TTLL11: variants seen among roughly 807,000 people sequenced by gnomAD.
The protein encoded by TTLL11 is tubulin tyrosine ligase like 11, also known as tubulin polyglutamylase TTLL11.
In TTLL11, 42 loss-of-function variants were observed where a neutral mutation model predicts 51.7. That is an observed-to-expected ratio of 0.81 (90% CI 0.64 to 1.05). The LOEUF (loss-of-function observed/expected upper bound fraction) is 1.05. TTLL11 is among the 50% of genes least tolerant of loss of function. The probability of loss-of-function intolerance (pLI) is 0.00; values close to 1 mark genes in which losing one functional copy is unlikely to be tolerated. For missense variants in TTLL11, 799 were observed against 940.4 expected, an observed-to-expected ratio of 0.85 and a Z score of 1.97; for synonymous variants, 381 against 383.5, an observed-to-expected ratio of 0.99 and a Z score of 0.08.
In TTLL11 at chr9:121,820,662, T is replaced by G. The variant is rs1836549853; in HGVS notation, c.*1925A>C. Among the ~76,000 whole-genome samples the G allele has an allele frequency of 6.6e-6, 1 of 151,988 alleles. No individual in the cohort carries two copies. The highest frequency in any genetic ancestry group is 1.5e-5 in the Non-Finnish European group (1 of 68,004). On this transcript the variant is annotated 3_prime_UTR_variant, in exon 9 of 9. Coordinates refer to ENST00000321582, the MANE Select transcript of TTLL11 (RefSeq NM_001139442.2). ...CCTCCTGGGCCTTCCTTTCCTCATC[T>G]GAAAGGGGAGCAGCATTACAGACCT...
At position 121,819,503 on chromosome 9, in the gene TTLL11, T is replaced by G. The variant is rs1266810904; in HGVS notation, c.*3084A>C. 2 of 152,408 alleles carry G rather than the reference T, an allele frequency of 1.3e-5. No individual in the cohort carries two copies. The highest frequency in any genetic ancestry group is 2.4e-5 in the African/African-American group (1 of 41,418). 9.4% of individuals were successfully genotyped at this position (152,408 alleles called of 1,614,324 possible). A position where few individuals can be genotyped will look rare whatever the true frequency, so the allele number is the denominator to read the frequency against. On this transcript the variant is annotated 3_prime_UTR_variant, in exon 9 of 9. Transcript: ENST00000321582. ...GAGCTTGATCTTCTTACCCGTTCATTCCAAGCCCCCGGAGTGCCCAGCTCT... is the reference window on the plus strand; with the variant it reads ...GAGCTTGATCTTCTTACCCGTTCATGCCAAGCCCCCGGAGTGCCCAGCTCT...
At chr9:121,830,385 G>A (rs1325804603) in intron 8 of TTLL11, among the ~76,000 whole-genome samples, 1 of 152,156 alleles carries the variant, frequency 6.6e-6, no homozygotes, top group African/African-American at 2.4e-5. Flanking sequence ...AAGATCCCAG[G>A]TGATGCTGAA....
intron 2 of TTLL11, among the ~76,000 whole-genome samples, chr9:122,037,663 A>T (rs1844741078): frequency 1.3e-5 from 2 of 152,228 alleles, no homozygotes; most frequent in African/African-American, 4.8e-5. Context: ...AAGCCAAGAA[A>T]GACTCATATC....
At chr9:122,040,512 T>C in intron 1 of TTLL11, 1 of 678,122 alleles carries the variant, frequency 1.5e-6, no homozygotes, top group Non-Finnish European at 1.8e-6. Flanking sequence ...GCCATGTTAG[T>C]TCATATTCAG....
chr9:122,067,687 G>C (rs1845624178), intron 1 of TTLL11, among the ~76,000 whole-genome samples: 1 of 152,152 alleles, frequency 6.6e-6, no homozygotes. Flanking sequence ...ATTTTTAGTA[G>C]AGACAGGGTT....
rs765628724 is a variant in TTLL11, at chr9:122,093,268, C to T, written c.-120G>A. 3.2e-6 allele frequency: 5 copies of T among 1,546,952 alleles called. No individual in the cohort carries two copies. The African/African-American group carries it at 5.6e-5, about 17-fold the overall frequency. On this transcript the variant is annotated 5_prime_UTR_variant, in exon 1 of 9. Transcript: ENST00000321582. ...CTGCCACGCGTTCCCCGCCCGAGCC[C>T]GTTGCCATGATCGCTCAGGCTCGGG...
chr9:122,061,747 CTT>C (rs1275348307), intron 1 of TTLL11, among the ~76,000 whole-genome samples: 1 of 152,134 alleles, frequency 6.6e-6, no homozygotes, highest in Non-Finnish European at 1.5e-5. Context: ...AAGCGATTCT[CTT>C]GTCTCAGCCT....
chr9:121,834,567 G>A (rs1298525290), intron 8 of TTLL11, among the ~76,000 whole-genome samples: 1 of 150,276 alleles, frequency 6.7e-6, no homozygotes, highest in Non-Finnish European at 1.5e-5. Flanking sequence ...GGTGGCTCAC[G>A]CCTGTAATCC....
chr9:122,001,503 G>A (rs949968877), intron 3 of TTLL11, among the ~76,000 whole-genome samples: 4 of 150,998 alleles, frequency 2.6e-5, no homozygotes, highest in African/African-American at 4.9e-5. Flanking sequence ...AGAGGCAGGG[G>A]GTGGGAATCA....
At chr9:121,843,847 A>T (rs1314972279) in intron 8 of TTLL11, among the ~76,000 whole-genome samples, 1 of 151,852 alleles carries the variant, frequency 6.6e-6, no homozygotes, top group Non-Finnish European at 1.5e-5. Flanking sequence ...TATTTTTAAA[A>T]TTTTTTGTAG....
intron 4 of TTLL11, among the ~76,000 whole-genome samples, chr9:121,981,063 T>C (rs1364106744): frequency 6.6e-6 from 1 of 152,226 alleles, no homozygotes; most frequent in Non-Finnish European, 1.5e-5. Flanking sequence ...TTGGAATGTC[T>C]TGAGCTTCTT....
intron 6 of TTLL11, among the ~76,000 whole-genome samples, chr9:121,891,863 T>C (rs1304495308): frequency 6.6e-6 from 1 of 151,476 alleles, no homozygotes; most frequent in Admixed American, 6.6e-5. Flanking sequence ...GAGGGTTTAG[T>C]CTAAAATTCT....
intron 1 of TTLL11, among the ~76,000 whole-genome samples, chr9:122,049,805 G>A (rs1845110597): frequency 6.6e-6 from 1 of 152,152 alleles, no homozygotes; most frequent in Non-Finnish European, 1.5e-5. Flanking sequence ...GCTGATGAAA[G>A]CACAGTTCAC....
At chr9:121,918,336 G>T (rs1481724682) in intron 6 of TTLL11, among the ~76,000 whole-genome samples, 1 of 152,226 alleles carries the variant, frequency 6.6e-6, no homozygotes, top group Non-Finnish European at 1.5e-5. Flanking sequence ...ATGTCAGAGT[G>T]AAGGTGGGGA....
intron 3 of TTLL11, among the ~76,000 whole-genome samples, chr9:122,006,990 A>AAAC (rs1554781289): frequency 3.6e-5 from 5 of 138,778 alleles, no homozygotes; most frequent in African/African-American, 1.5e-4. Flanking sequence ...TCAAAAAAAA[A>AAAC]AAAAAAAAAA....
chr9:121,993,879 G>A (rs750407996), intron 3 of TTLL11, among the ~76,000 whole-genome samples: 2 of 152,204 alleles, frequency 1.3e-5, no homozygotes, highest in Non-Finnish European at 2.9e-5. Context: ...TTGTCACTCA[G>A]GTGGATTTGC....
intron 1 of TTLL11, among the ~76,000 whole-genome samples, chr9:122,063,898 A>G (rs1440473268): frequency 1.3e-5 from 2 of 152,222 alleles, no homozygotes; most frequent in African/African-American, 4.8e-5. Context: ...ATTAACAGCA[A>G]GTCTTTCTCA....
At chr9:121,912,420 C>G (rs1438129367) in intron 6 of TTLL11, among the ~76,000 whole-genome samples, 1 of 151,216 alleles carries the variant, frequency 6.6e-6, no homozygotes, top group African/African-American at 2.4e-5. Context: ...GCTTATGATC[C>G]CCCAGATATG....
Position 121,821,452 on chromosome 9 carries a change from G to A in TTLL11, c.*1135C>T, listed in dbSNP as rs530891123. Among the ~76,000 whole-genome samples, 132 of 152,186 alleles carry A rather than the reference G, an allele frequency of 8.7e-4. No individual in the cohort carries two copies. Among genetic ancestry groups the A allele is most frequent in the African/African-American group, 2.8e-3 (115 of 41,522 alleles). On this transcript the variant is annotated 3_prime_UTR_variant, in exon 9 of 9. Coordinates refer to ENST00000321582, the MANE Select transcript of TTLL11 (RefSeq NM_001139442.2). This position sits in a 1 kb window ranked among gnomAD's most constrained non-coding sequence, Gnocchi z 5.0. ...CCTTTAAAGGGATCCTCCAGGAAAGGGCCACATTAACCCCAAATCCAACCA... is the reference window on the plus strand; with the variant it reads ...CCTTTAAAGGGATCCTCCAGGAAAGAGCCACATTAACCCCAAATCCAACCA...
Sources: allele counts gnomAD v4.1 joint callset (sites outside exome capture counted in the v4.1 genomes callset), GRCh38; gene constraint gnomAD v4.1.1; non-coding constraint Gnocchi (gnomAD v3.1); transcripts MANE v1.5; gene names NCBI Gene and HGNC (gene_info 2026-07-23, HGNC 2026-07-21).